The following STON1 variants were observed in gnomAD, a reference collection of about 807,000 sequenced individuals.
STON1 encodes stonin 1, also known as stonin-1.
STON1 carries 79 observed loss-of-function variants against 60.9 expected under a neutral mutation model. The ratio of observed to expected loss-of-function variants is 1.30; its 90% CI spans 1.08 to 1.56. The LOEUF (loss-of-function observed/expected upper bound fraction) is 1.56, where lower values mean the gene tolerates loss of function less well. STON1 is among the 40% of genes most tolerant of loss of function. The pLI is 0.00. For missense variants in STON1, 1,166 were observed against 858.9 expected (o/e 1.36, Z -4.47); for synonymous variants, 363 against 306.9 (o/e 1.18, Z -1.91).
intron 3 of STON1, among the ~76,000 whole-genome samples, chr2:48,592,436 GTT>G (rs869162575): frequency 2.1e-5 from 3 of 142,472 alleles, no homozygotes; most frequent in East Asian, 2.0e-4. Context: ...GTAGTTTTCA[GTT>G]TTTTTTTTTT....
In STON1 at chr2:48,581,402, G is replaced by C. The variant is rs1558634001; in HGVS notation, c.769G>C (p.Glu257Gln). The change falls in exon 2 of 4, where the codon GAA becomes CAA. Residue 257 changes from glutamate to glutamine, a missense_variant. Physicochemically the swap from Glu to Gln is conservative, Grantham distance 29. Transcript: ENST00000404752. ...GTCTATGCACTGTCTATGTGCTGAA[G>C]AAAATGCCTCTTCCTTTGTCCCCCA... ...SLSMHCLCAE[E>Q]NASSFVPHTL... 1 of 1,609,640 alleles carries C rather than the reference G, an allele frequency of 6.2e-7. No homozygotes were observed. The highest frequency in any genetic ancestry group is 1.1e-5 in the South Asian group (1 of 90,400).
chr2:48,556,560 A>G (rs1270038304), intron 1 of STON1, among the ~76,000 whole-genome samples: 2 of 2,180 alleles, frequency 9.2e-4, no homozygotes, highest in Non-Finnish European at 2.1e-3. Flanking sequence ...GCGGCTGGCC[A>G]GGCGGGGGGC....
chr2:48,534,841 A>C (rs1671358916), intron 1 of STON1, among the ~76,000 whole-genome samples: 2 of 152,154 alleles, frequency 1.3e-5, no homozygotes, highest in South Asian at 4.1e-4. Flanking sequence ...CGTAAAATGG[A>C]AAATGCCTCC....
Position 48,551,426 on chromosome 2 carries a change from C to A in STON1, c.-48+21210C>A, listed in dbSNP as rs975181277. Among the ~76,000 whole-genome samples, 3 of 151,884 alleles carry A rather than the reference C, an allele frequency of 2.0e-5. No homozygotes were observed. The South Asian group carries it at 6.2e-4, about 31-fold the overall frequency. ...CCATGGCCTGTGCCATGACCAAGGG[C>A]CAAGCCCCTCTGACCCTGCCCCTGC... On this transcript the variant is annotated intron_variant, in intron 1 of 3. Coordinates refer to ENST00000404752, the MANE Select transcript of STON1 (RefSeq NM_006873.4).
At chr2:48,554,198 T>A (rs1181990278) in intron 1 of STON1, among the ~76,000 whole-genome samples, 1 of 152,068 alleles carries the variant, frequency 6.6e-6, no homozygotes, top group South Asian at 2.1e-4. Context: ...AGGCTGGGTG[T>A]TACTCCTTTA....
At chr2:48,536,762 C>G (rs1671450924) in intron 1 of STON1, among the ~76,000 whole-genome samples, 1 of 152,132 alleles carries the variant, frequency 6.6e-6, no homozygotes, top group African/African-American at 2.4e-5. Flanking sequence ...ATACTGACAT[C>G]TTTACAGTGC....
At chr2:48,559,665 C>G (rs1286035016) in intron 1 of STON1, among the ~76,000 whole-genome samples, 2 of 152,232 alleles carry the variant, frequency 1.3e-5, no homozygotes, top group Non-Finnish European at 2.9e-5. Context: ...CTCCATGTCA[C>G]TGCTAGGCAG....
intron 1 of STON1, among the ~76,000 whole-genome samples, chr2:48,538,575 A>C (rs183845218): frequency 1.2e-3 from 182 of 151,542 alleles, no homozygotes; most frequent in African/African-American, 4.3e-3. Flanking sequence ...TACCTTTCCT[A>C]TGGTGCTGAG....
intron 3 of STON1, among the ~76,000 whole-genome samples, chr2:48,593,249 G>A (rs1307091239): frequency 1.3e-5 from 2 of 152,060 alleles, no homozygotes; most frequent in Non-Finnish European, 2.9e-5. Flanking sequence ...CCGAGTAGCT[G>A]GGATTACAGG....
intron 2 of STON1, among the ~76,000 whole-genome samples, chr2:48,589,155 T>A (rs146202962): frequency 6.6e-4 from 100 of 152,318 alleles, no homozygotes; most frequent in African/African-American, 2.3e-3. Flanking sequence ...TGCCCTGTCA[T>A]CAGCACGTTG....
chr2:48,595,099 G>C, intron 3 of STON1, 129 bp from the exon 4 acceptor site: 1 of 730,892 alleles, frequency 1.4e-6, no homozygotes, highest in Non-Finnish European at 2.4e-6. Context: ...TAGGAGGGTA[G>C]AGGGCTGTGT....
intron 2 of STON1, among the ~76,000 whole-genome samples, chr2:48,588,080 G>T (rs966503899): frequency 1.3e-5 from 2 of 152,202 alleles, no homozygotes; most frequent in Non-Finnish European, 2.9e-5. Context: ...TCCTAAGGCA[G>T]TGCTTCTCAA....
chr2:48,588,331 G>T (rs1674328502), intron 2 of STON1, among the ~76,000 whole-genome samples: 1 of 152,140 alleles, frequency 6.6e-6, no homozygotes, highest in Admixed American at 6.5e-5. Flanking sequence ...TCCTTTTCAA[G>T]ATTGTCTCGG....
intron 2 of STON1, among the ~76,000 whole-genome samples, chr2:48,584,153 C>T (rs1674064832): frequency 6.6e-6 from 1 of 152,202 alleles, no homozygotes. Context: ...AGATGGCTCA[C>T]AGCTGCTGTA....
chr2:48,547,876 C>G (rs898978615), intron 1 of STON1, among the ~76,000 whole-genome samples: 1 of 152,216 alleles, frequency 6.6e-6, no homozygotes, highest in Admixed American at 6.5e-5. Flanking sequence ...TTACGCAGCA[C>G]AGGGTAATTC....
chr2:48,569,946 A>G (rs1177208317), intron 1 of STON1, among the ~76,000 whole-genome samples: 1 of 152,238 alleles, frequency 6.6e-6, no homozygotes, highest in Non-Finnish European at 1.5e-5. Flanking sequence ...ATTAGAGATA[A>G]TCAATTTGTA....
chr2:48,558,819 G>A (rs1165646858), intron 1 of STON1, among the ~76,000 whole-genome samples: 7 of 152,118 alleles, frequency 4.6e-5, no homozygotes, highest in Non-Finnish European at 1.0e-4. Context: ...GTGCACTTTA[G>A]CAGAGAAGGA....
At chr2:48,556,768 T>C (rs1572943517) in intron 1 of STON1, among the ~76,000 whole-genome samples, 1 of 34,824 alleles carries the variant, frequency 2.9e-5, no homozygotes, top group Non-Finnish European at 5.6e-5. Context: ...ACCTCCCTCC[T>C]GGACGGCACG....
At chr2:48,534,727 G>A (rs1671354658) in intron 1 of STON1, among the ~76,000 whole-genome samples, 1 of 152,106 alleles carries the variant, frequency 6.6e-6, no homozygotes, top group Non-Finnish European at 1.5e-5. Flanking sequence ...AGGCTTCAGT[G>A]AGCTATGTCA....
Sources: allele counts gnomAD v4.1 joint callset (sites outside exome capture counted in the v4.1 genomes callset), GRCh38; gene constraint gnomAD v4.1.1; transcripts MANE v1.5; gene names NCBI Gene and HGNC (gene_info 2026-07-23, HGNC 2026-07-21).